PPP2R2B: variants seen among roughly 807,000 people sequenced by gnomAD.
The protein encoded by PPP2R2B is serine/threonine-protein phosphatase 2A 55 kDa regulatory subunit B beta isoform.
PPP2R2B carries 5 observed loss-of-function variants against 46.0 expected under a neutral mutation model. The observed-to-expected ratio is 0.11, with a 90% CI of 0.06 to 0.23. The LOEUF (loss-of-function observed/expected upper bound fraction) is 0.23. Among genes scored for constraint, PPP2R2B ranks in the 10% least tolerant of loss-of-function variants. The probability of loss-of-function intolerance (pLI) is 1.00; values close to 1 mark genes in which losing one functional copy is unlikely to be tolerated. For synonymous variants in PPP2R2B, 215 were observed against 206.7 expected, an observed-to-expected ratio of 1.04 and a Z score of -0.34; for missense variants, 367 against 575.0, an observed-to-expected ratio of 0.64 and a Z score of 3.70.
At chr5:147,008,152 G>A (rs947638791) in intron 1 of PPP2R2B, among the ~76,000 whole-genome samples, 1 of 152,166 alleles carries the variant, frequency 6.6e-6, no homozygotes, top group African/African-American at 2.4e-5. Flanking sequence ...TAAAGAGGAA[G>A]CAGAGAATGA....
chr5:146,984,698 A>C (rs1745492315), intron 1 of PPP2R2B, among the ~76,000 whole-genome samples: 1 of 152,006 alleles, frequency 6.6e-6, no homozygotes, highest in Non-Finnish European at 1.5e-5. Flanking sequence ...AGCAGTGTAC[A>C]AGGGTTCCTG....
At chr5:146,992,166 A>G (rs1373761336) in intron 1 of PPP2R2B, among the ~76,000 whole-genome samples, 1 of 152,192 alleles carries the variant, frequency 6.6e-6, no homozygotes, top group African/African-American at 2.4e-5. Flanking sequence ...CTGGCATAAA[A>G]CACACATACA....
intron 2 of PPP2R2B, among the ~76,000 whole-genome samples, chr5:146,855,095 G>A (rs1018292937): frequency 6.6e-6 from 1 of 151,942 alleles, no homozygotes; most frequent in Non-Finnish European, 1.5e-5. Context: ...ATCATCAAGG[G>A]CAAACCAAAT....
intron 2 of PPP2R2B, among the ~76,000 whole-genome samples, chr5:146,875,587 A>G (rs1176959263): frequency 2.6e-5 from 4 of 152,206 alleles, no homozygotes; most frequent in Non-Finnish European, 5.9e-5. Context: ...GATCTGAGCA[A>G]ACAGAAGAAA....
chr5:146,646,832 A>G lies in PPP2R2B; in HGVS notation c.625+3715T>C, dbSNP rs541704354. 1.1e-4 allele frequency among the ~76,000 whole-genome samples: 16 copies of G among 152,254 alleles called. No homozygotes were observed. In the South Asian group the frequency reaches 2.9e-3, roughly 28 times the overall value. ...CTGAGCATTTGCTTAGCAAGGCACT[A>G]CCCTAAATGTGTGCGTGCGTATGTG... On this transcript the variant is annotated intron_variant, in intron 6 of 9. Transcript: ENST00000394411.
intron 2 of PPP2R2B, among the ~76,000 whole-genome samples, chr5:146,729,343 AG>A (rs1292817087): frequency 3.9e-5 from 6 of 152,234 alleles, no homozygotes; most frequent in African/African-American, 1.4e-4. Context: ...GTACTGTTAA[AG>A]GCATTTAGTT....
At chr5:146,645,136 A>G (rs758262220) in intron 6 of PPP2R2B, among the ~76,000 whole-genome samples, 10 of 152,214 alleles carry the variant, frequency 6.6e-5, no homozygotes, top group Non-Finnish European at 1.3e-4. Flanking sequence ...AAATAGTAAT[A>G]TCTTTGTGTG....
rs1324230019 is a variant in PPP2R2B, at chr5:146,781,152, AT to A, written c.71-80011del. Among the ~76,000 whole-genome samples the A allele has an allele frequency of 7.3e-5, 8 of 109,116 alleles. 1 individual carries two copies. Among genetic ancestry groups the A allele is most frequent in the African/African-American group, 3.2e-4 (8 of 24,754 alleles). 71.6% of individuals were successfully genotyped at this position (109,116 alleles called of 152,430 possible). A position where few individuals can be genotyped will look rare whatever the true frequency, so the allele number is the denominator to read the frequency against. ...CCATGATATATATATATATATATATATATATATATATATATATATATATAAA... is the reference window on the plus strand; with the variant it reads ...CCATGATATATATATATATATATATAATATATATATATATATATATATAAA... On this transcript the variant is annotated intron_variant, in intron 2 of 9. Coordinates refer to ENST00000394411, the MANE Select transcript of PPP2R2B (RefSeq NM_181675.4).
At chr5:146,822,152 G>A (rs556961439) in intron 2 of PPP2R2B, among the ~76,000 whole-genome samples, 1 of 152,262 alleles carries the variant, frequency 6.6e-6, no homozygotes, top group East Asian at 1.9e-4. Context: ...AAGAAAGTTC[G>A]TAAAATAACA....
intron 1 of PPP2R2B, among the ~76,000 whole-genome samples, chr5:147,006,454 C>T (rs1004453263): frequency 2.0e-5 from 3 of 152,160 alleles, no homozygotes; most frequent in Non-Finnish European, 2.9e-5. Context: ...AACTTCTAAT[C>T]TTATGGAAAT....
At chr5:146,703,211 G>A (rs939033800) in intron 2 of PPP2R2B, among the ~76,000 whole-genome samples, 1 of 152,196 alleles carries the variant, frequency 6.6e-6, no homozygotes, top group African/African-American at 2.4e-5. Flanking sequence ...CCAAATTTGG[G>A]TACAGCCTAA....
At chr5:146,740,602 CACACA>C (rs1752814166) in intron 2 of PPP2R2B, among the ~76,000 whole-genome samples, 1 of 147,248 alleles carries the variant, frequency 6.8e-6, no homozygotes, top group Admixed American at 6.6e-5. Context: ...CACACACACA[CACACA>C]CACACACACA....
chr5:146,865,185 A>C (rs1282113269), intron 2 of PPP2R2B, among the ~76,000 whole-genome samples: 5 of 152,190 alleles, frequency 3.3e-5, no homozygotes, highest in Admixed American at 3.3e-4. Flanking sequence ...TATCATAGAA[A>C]AATGCTAACA....
chr5:146,891,160 G>A (rs996972748), intron 1 of PPP2R2B, among the ~76,000 whole-genome samples: 1 of 152,204 alleles, frequency 6.6e-6, no homozygotes, highest in Non-Finnish European at 1.5e-5. Context: ...TCAGTAAAGT[G>A]TAATAGGCAA....
intron 1 of PPP2R2B, among the ~76,000 whole-genome samples, chr5:147,036,888 G>A (rs1756064795): frequency 6.6e-6 from 1 of 152,168 alleles, no homozygotes; most frequent in East Asian, 1.9e-4. Context: ...TGGAGAGGAA[G>A]TATGAAAAAG....
intron 1 of PPP2R2B, among the ~76,000 whole-genome samples, chr5:146,885,960 G>A (rs1275692236): frequency 6.6e-6 from 1 of 152,020 alleles, no homozygotes; most frequent in Non-Finnish European, 1.5e-5. Context: ...GTGGTTGCCA[G>A]GGACTGAGGA....
At chr5:147,080,818 C>T (rs1176093088) in intron 2 of PPP2R2B, among the ~76,000 whole-genome samples, 1 of 151,998 alleles carries the variant, frequency 6.6e-6, no homozygotes, top group East Asian at 1.9e-4. Context: ...TAGCCTCTGT[C>T]TCTGCAAATC....
At chr5:147,019,428 T>C (rs1348286765) in intron 1 of PPP2R2B, among the ~76,000 whole-genome samples, 1 of 152,122 alleles carries the variant, frequency 6.6e-6, no homozygotes, top group Admixed American at 6.6e-5. Flanking sequence ...CAAAAATATG[T>C]TTGGAGTGGA....
intron 2 of PPP2R2B, among the ~76,000 whole-genome samples, chr5:146,830,425 A>T (rs1352068235): frequency 6.6e-6 from 1 of 152,166 alleles, no homozygotes; most frequent in Non-Finnish European, 1.5e-5. Context: ...AGCCCAACCA[A>T]CAGTACCCGA....
Sources: allele counts gnomAD v4.1 joint callset (sites outside exome capture counted in the v4.1 genomes callset), GRCh38; gene constraint gnomAD v4.1.1; transcripts MANE v1.5; gene names NCBI Gene and HGNC (gene_info 2026-07-23, HGNC 2026-07-21).